The following FAM53A variants were observed in gnomAD, a reference collection of about 807,000 sequenced individuals.
FAM53A encodes the protein family with sequence similarity 53 member A, also known as protein FAM53A.
A neutral mutation model predicts 26.6 loss-of-function variants in FAM53A; 28 were observed. The observed-to-expected ratio is 1.05, with a 90% CI of 0.78 to 1.45. FAM53A has a LOEUF of 1.45. Among genes scored for constraint, FAM53A ranks in the 40% most tolerant of loss-of-function variants. The pLI, the probability that FAM53A is intolerant of heterozygous loss-of-function variation, is 0.00. For synonymous variants in FAM53A, 290 were observed against 253.1 expected, an observed-to-expected ratio of 1.15 and a Z score of -1.38; for missense variants, 650 against 575.8, an observed-to-expected ratio of 1.13 and a Z score of -1.32.
At chr4:1,638,657 G>C (rs1452900845), downstream of FAM53A, among the ~76,000 whole-genome samples, 1 of 152,216 alleles carries the variant, frequency 6.6e-6, no homozygotes, top group East Asian at 1.9e-4. Flanking sequence ...GCTCCGTCAA[G>C]GGAAGGGGAG....
intron 2 of FAM53A, among the ~76,000 whole-genome samples, chr4:1,662,713 A>C (rs1713931678): frequency 6.6e-6 from 1 of 151,976 alleles, no homozygotes; most frequent in Non-Finnish European, 1.5e-5. Context: ...CCAATTTTAA[A>C]GTAAAAATGG....
the FAM53A span, among the ~76,000 whole-genome samples, chr4:1,596,806 G>A: frequency 1.3e-5 from 2 of 152,120 alleles, no homozygotes. Context: ...ACAGAGACAA[G>A]GGGAGAGACA....
intron 1 of FAM53A, among the ~76,000 whole-genome samples, chr4:1,671,874 A>C (rs546083363): frequency 6.6e-6 from 1 of 152,382 alleles, no homozygotes; most frequent in African/African-American, 2.4e-5. Context: ...ATTTTATTTT[A>C]AAAACAGGCC....
intron 2 of FAM53A, among the ~76,000 whole-genome samples, chr4:1,660,761 T>C (rs1367613672): frequency 1.3e-5 from 2 of 151,416 alleles, no homozygotes; most frequent in African/African-American, 4.9e-5. Flanking sequence ...TGGTGGCGAG[T>C]GCCTGTAGTC....
intron 4 of FAM53A, among the ~76,000 whole-genome samples, chr4:1,654,700 C>G (rs1713159863): frequency 6.6e-6 from 1 of 152,224 alleles, no homozygotes; most frequent in Non-Finnish European, 1.5e-5. Flanking sequence ...TCTGCTGCCT[C>G]CCCCAGGCCT....
the FAM53A span, among the ~76,000 whole-genome samples, chr4:1,611,298 C>T: frequency 0.22 from 33,303 of 152,104 alleles, 4,172 homozygotes; most frequent in Non-Finnish European, 0.28. Context: ...CTGAGAGACA[C>T]CCCTGGCTGG....
chr4:1,685,677 C>A (rs1199646093), upstream of FAM53A, among the ~76,000 whole-genome samples: 1 of 151,846 alleles, frequency 6.6e-6, no homozygotes, highest in African/African-American at 2.4e-5. Context: ...GGAGTCCCAG[C>A]GGGGCTGGGG....
intron 2 of FAM53A, among the ~76,000 whole-genome samples, chr4:1,667,525 C>T (rs78798473): frequency 0.018 from 2,744 of 152,158 alleles, 50 homozygotes; most frequent in South Asian, 0.032. Context: ...GCAGTGCTTG[C>T]GAAGGTTCAG....
At chr4:1,681,869 C>T (rs1715463150) in intron 1 of FAM53A, among the ~76,000 whole-genome samples, 2 of 152,080 alleles carry the variant, frequency 1.3e-5, no homozygotes, top group African/African-American at 4.8e-5. Flanking sequence ...CAGGCTGCAC[C>T]ATATCACCAC....
intron 4 of FAM53A, among the ~76,000 whole-genome samples, chr4:1,653,706 C>A (rs1713076518): frequency 6.6e-6 from 1 of 152,240 alleles, no homozygotes; most frequent in Non-Finnish European, 1.5e-5. Flanking sequence ...TTTCAACTCA[C>A]CTCAAGCCCC....
chr4:1,643,978 C>T (rs1244671126), intron 4 of FAM53A, among the ~76,000 whole-genome samples: 1 of 152,212 alleles, frequency 6.6e-6, no homozygotes, highest in Admixed American at 6.5e-5. Flanking sequence ...CATCACTTGT[C>T]CGTACAAGCC....
chr4:1,644,950 C>T (rs1712100465), intron 4 of FAM53A: 1 of 152,348 alleles, frequency 6.6e-6, no homozygotes, highest in South Asian at 2.1e-4. Context: ...AAGCCTCTGG[C>T]TTTTGTCAAA....
chr4:1,578,967 G>A, the FAM53A span, among the ~76,000 whole-genome samples: 1 of 150,838 alleles, frequency 6.6e-6, no homozygotes, highest in South Asian at 2.1e-4. Flanking sequence ...GGCAGAGCAG[G>A]CGGGAAAGGG....
intron 4 of FAM53A, chr4:1,644,340 C>T (rs1021985198): frequency 1.8e-5 from 27 of 1,535,654 alleles, no homozygotes; most frequent in South Asian, 5.9e-5. Context: ...CACAGCTGTG[C>T]GGCTAGAGCG....
chr4:1,636,755 G>A (rs1035115625), downstream of FAM53A, among the ~76,000 whole-genome samples: 5 of 152,242 alleles, frequency 3.3e-5, no homozygotes, highest in East Asian at 1.9e-4. Flanking sequence ...AGAGGGGTCC[G>A]CGTCTGCGTC....
At position 1,668,888 on chromosome 4, in the gene FAM53A, G is replaced by T; in HGVS notation, c.-147C>A. 1.6e-6 allele frequency: 1 copy of T among 632,888 alleles called. No homozygotes were observed. Among genetic ancestry groups the T allele is most frequent in the East Asian group, 2.9e-5 (1 of 34,898 alleles). The allele number at this position is 632,888 out of a possible 1,614,324, so 39.2% of individuals were successfully genotyped here. ...ACAGATGAGCAGTCCACGCCCACGGGCTCTTCAGGATTTGTGCCTGTTTCT... is the reference window on the plus strand; with the variant it reads ...ACAGATGAGCAGTCCACGCCCACGGTCTCTTCAGGATTTGTGCCTGTTTCT... On this transcript the variant is annotated 5_prime_UTR_variant, in exon 2 of 5. Coordinates refer to ENST00000308132, the MANE Select transcript of FAM53A (RefSeq NM_001174070.3).
chr4:1,596,732 A>C, the FAM53A span, among the ~76,000 whole-genome samples: 1 of 152,192 alleles, frequency 6.6e-6, no homozygotes. Flanking sequence ...CCAGATTCCC[A>C]ACTGTACTTC....
At chr4:1,601,520 G>A in the FAM53A span, among the ~76,000 whole-genome samples, 2 of 111,296 alleles carry the variant, frequency 1.8e-5, no homozygotes, top group African/African-American at 5.8e-5. Context: ...GGTGCACTGC[G>A]CCCCCCAGCC....
At chr4:1,615,489 CCTCA>C (rs1714781066), downstream of FAM53A, among the ~76,000 whole-genome samples, 1 of 144,526 alleles carries the variant, frequency 6.9e-6, no homozygotes, top group African/African-American at 2.6e-5. Context: ...GCCACGCCCA[CCTCA>C]CCTGGGCACG....
Sources: gnomAD v4.1 joint callset for allele counts (sites outside exome capture counted in the v4.1 genomes callset) on GRCh38, gnomAD v4.1.1 for gene constraint, MANE v1.5 for transcripts, NCBI Gene and HGNC (gene_info 2026-07-23, HGNC 2026-07-21) for gene names.